Variants in FRMD3 observed in about 807,000 individuals in gnomAD.
FRMD3 encodes FERM domain containing 3, also known as FERM domain-containing protein 3.
A neutral mutation model predicts 70.2 loss-of-function variants in FRMD3; 33 were observed. That is an observed-to-expected ratio of 0.47 (90% CI 0.36 to 0.63). The LOEUF (loss-of-function observed/expected upper bound fraction) is 0.63, where lower values mean the gene tolerates loss of function less well. FRMD3 is among the 20% of genes least tolerant of loss of function. The pLI, the probability that FRMD3 is intolerant of heterozygous loss-of-function variation, is 0.00. For synonymous variants in FRMD3, 279 were observed against 255.9 expected, an observed-to-expected ratio of 1.09 and a Z score of -0.86; for missense variants, 632 against 711.4, an observed-to-expected ratio of 0.89 and a Z score of 1.27.
intron 13 of FRMD3, among the ~76,000 whole-genome samples, chr9:83,249,057 A>C (rs1832274935): frequency 6.6e-6 from 1 of 152,170 alleles, no homozygotes; most frequent in African/African-American, 2.4e-5. Flanking sequence ...TTTTAACATA[A>C]ATATTTTCTA....
chr9:83,269,411 C>T lies in FRMD3; in HGVS notation c.1196-20895G>A, dbSNP rs541753068. On this transcript the variant is annotated intron_variant, in intron 13 of 13. Coordinates refer to ENST00000304195, the MANE Select transcript of FRMD3 (RefSeq NM_174938.6). ...ATAATTCTCAAGCTTAACATCTCAC[C>T]ATTGTTTCAAATGCCTCCTTCCTAC... Among the ~76,000 whole-genome samples the T allele has an allele frequency of 2.3e-4, 35 of 152,294 alleles. 1 individual carries two copies. The highest frequency in any genetic ancestry group is 1.9e-3 in the Admixed American group (29 of 15,292).
In FRMD3 at chr9:83,246,170, T is replaced by A; in HGVS notation, c.*1748A>T. The A allele has an allele frequency of 1.0e-6, 1 of 985,052 alleles. No individual in the cohort carries two copies. The highest frequency in any genetic ancestry group is 5.2e-4 in the Middle Eastern group (1 of 1,914). The allele number at this position is 985,052 out of a possible 1,614,324, so 61.0% of individuals were successfully genotyped here. A position where few individuals can be genotyped will look rare whatever the true frequency, so the allele number is the denominator to read the frequency against. ...TTTAGAAATCATGCTAATGATAGGGTTGGAATGTCATTAGCTAGAGAGAGC... is the reference window on the plus strand; with the variant it reads ...TTTAGAAATCATGCTAATGATAGGGATGGAATGTCATTAGCTAGAGAGAGC... On this transcript the variant is annotated 3_prime_UTR_variant, in exon 14 of 14. Coordinates refer to ENST00000304195, the MANE Select transcript of FRMD3 (RefSeq NM_174938.6).
chr9:83,262,361 C>T (rs983940964), intron 13 of FRMD3, among the ~76,000 whole-genome samples: 2 of 152,154 alleles, frequency 1.3e-5, no homozygotes, highest in African/African-American at 4.8e-5. Flanking sequence ...ATGCACTGCT[C>T]ACATCTGTCA....
intron 1 of FRMD3, among the ~76,000 whole-genome samples, chr9:83,444,293 G>A (rs548346328): frequency 8.2e-4 from 125 of 152,254 alleles, no homozygotes; most frequent in African/African-American, 2.8e-3. Context: ...CCCTGACCCC[G>A]CCCTTTCCCA....
chr9:83,354,003 C>T (rs1041417657), intron 3 of FRMD3, among the ~76,000 whole-genome samples: 1 of 152,130 alleles, frequency 6.6e-6, no homozygotes, highest in Admixed American at 6.5e-5. Context: ...CAGCTCACTG[C>T]AACCTCCGCC....
At chr9:83,348,094 T>G (rs1267273939) in intron 4 of FRMD3, among the ~76,000 whole-genome samples, 2 of 152,196 alleles carry the variant, frequency 1.3e-5, no homozygotes, top group African/African-American at 2.4e-5. Flanking sequence ...ATTTATATTG[T>G]GACACATACT....
intron 1 of FRMD3, among the ~76,000 whole-genome samples, chr9:83,478,775 A>T (rs1358776593): frequency 6.6e-6 from 1 of 152,220 alleles, no homozygotes; most frequent in African/African-American, 2.4e-5. Context: ...ATAAATTTCA[A>T]AATGTGGTAT....
intron 1 of FRMD3, among the ~76,000 whole-genome samples, chr9:83,527,316 A>T (rs147311118): frequency 4.1e-4 from 63 of 152,312 alleles, no homozygotes; most frequent in African/African-American, 1.4e-3. Context: ...TGGTTGGAAC[A>T]AATAGTCAAA....
At chr9:83,506,438 A>G (rs1426657656) in intron 1 of FRMD3, among the ~76,000 whole-genome samples, 2 of 152,210 alleles carry the variant, frequency 1.3e-5, no homozygotes, top group African/African-American at 4.8e-5. Context: ...CTCCTGGGCT[A>G]CAGATCTGTA....
chr9:83,247,836 T>C lies in FRMD3; in HGVS notation c.*82A>G. 6.5e-7 allele frequency: 1 copy of C among 1,550,026 alleles called. No individual in the cohort carries two copies. The highest frequency in any genetic ancestry group is 8.7e-7 in the Non-Finnish European group (1 of 1,148,902). On this transcript the variant is annotated 3_prime_UTR_variant, in exon 14 of 14. Coordinates refer to ENST00000304195, the MANE Select transcript of FRMD3 (RefSeq NM_174938.6). Reference sequence around the variant, plus strand: ...TAAGGAACACCTGTTGACAGCCCCGTGACCCTTCAGAACCAGGCATTTGCT... The same window carrying C: ...TAAGGAACACCTGTTGACAGCCCCGCGACCCTTCAGAACCAGGCATTTGCT...
intron 1 of FRMD3, among the ~76,000 whole-genome samples, chr9:83,520,424 C>A (rs1294784482): frequency 6.6e-6 from 1 of 152,222 alleles, no homozygotes; most frequent in Admixed American, 6.5e-5. Flanking sequence ...AGCTTCCCTG[C>A]ATTGCTCCCA....
At chr9:83,446,744 A>C (rs1204359837) in intron 1 of FRMD3, among the ~76,000 whole-genome samples, 1 of 152,110 alleles carries the variant, frequency 6.6e-6, no homozygotes, top group Non-Finnish European at 1.5e-5. Flanking sequence ...AGATTTGCCA[A>C]GTAGGAAAGT....
intron 1 of FRMD3, among the ~76,000 whole-genome samples, chr9:83,454,220 C>G (rs115030103): frequency 1.3e-5 from 2 of 152,144 alleles, no homozygotes; most frequent in Admixed American, 1.3e-4. Context: ...TTCCCACACT[C>G]CTTTCATTCT....
chr9:83,521,966 G>T (rs2131546233), intron 1 of FRMD3, among the ~76,000 whole-genome samples: 1 of 152,142 alleles, frequency 6.6e-6, no homozygotes, highest in Non-Finnish European at 1.5e-5. Flanking sequence ...AATCTTCTTG[G>T]CCCTTCCCAG....
chr9:83,575,989 C>T, the FRMD3 span, among the ~76,000 whole-genome samples: 3 of 151,856 alleles, frequency 2.0e-5, no homozygotes, highest in East Asian at 1.9e-4. Flanking sequence ...AAGGCCAAGG[C>T]GGGAGGATCA....
At chr9:83,367,985 C>T (rs1019450460) in intron 3 of FRMD3, among the ~76,000 whole-genome samples, 1 of 152,176 alleles carries the variant, frequency 6.6e-6, no homozygotes, top group East Asian at 1.9e-4. Flanking sequence ...CTAGCTTCTA[C>T]TTCCATTGTG....
intron 3 of FRMD3, among the ~76,000 whole-genome samples, chr9:83,366,877 C>G (rs1326290414): frequency 1.3e-5 from 2 of 151,794 alleles, no homozygotes; most frequent in African/African-American, 4.8e-5. Flanking sequence ...GCTAAAAACT[C>G]TAAGTGATAG....
intron 1 of FRMD3, among the ~76,000 whole-genome samples, chr9:83,432,308 G>A (rs903310160): frequency 1.3e-5 from 2 of 152,192 alleles, no homozygotes; most frequent in Non-Finnish European, 2.9e-5. Context: ...ACTGAGCCAG[G>A]AGCCAAGTCT....
intron 3 of FRMD3, among the ~76,000 whole-genome samples, chr9:83,371,444 G>A (rs1824969243): frequency 6.6e-6 from 1 of 152,006 alleles, no homozygotes; most frequent in Non-Finnish European, 1.5e-5. Context: ...AGCCTCCTGA[G>A]TAGCTGGGAC....
Sources: allele counts gnomAD v4.1 joint callset (sites outside exome capture counted in the v4.1 genomes callset), GRCh38; gene constraint gnomAD v4.1.1; transcripts MANE v1.5; gene names NCBI Gene and HGNC (gene_info 2026-07-23, HGNC 2026-07-21).